The following TMEM196 variants were observed in gnomAD, a reference collection of about 807,000 sequenced individuals.
TMEM196 encodes the protein transmembrane protein 196.
TMEM196 carries 17 observed loss-of-function variants against 20.0 expected under a neutral mutation model. The observed-to-expected ratio is 0.85, with a 90% CI of 0.58 to 1.27. The LOEUF (loss-of-function observed/expected upper bound fraction) is 1.27, where lower values mean the gene tolerates loss of function less well. TMEM196 is among the 50% of genes most tolerant of loss of function. TMEM196 has a pLI of 0.00. For synonymous variants in TMEM196, 113 were observed against 88.9 expected, an observed-to-expected ratio of 1.27 and a Z score of -1.52; for missense variants, 267 against 223.0, an observed-to-expected ratio of 1.20 and a Z score of -1.26.
chr7:19,766,851 TTAGA>T (rs1340719419), intron 1 of TMEM196, among the ~76,000 whole-genome samples: 6 of 151,984 alleles, frequency 3.9e-5, no homozygotes, highest in Non-Finnish European at 8.8e-5. Flanking sequence ...TACAAAAAAG[TTAGA>T]TAGTTTGGTT....
At chr7:19,772,492 C>A in intron 1 of TMEM196, 58 bp downstream of exon 1, 1 of 1,447,352 alleles carries the variant, frequency 6.9e-7, no homozygotes, top group Non-Finnish European at 9.2e-7. Context: ...CTGACCATCA[C>A]CGTAAAGAGG....
chr7:19,724,831 G>T (rs1375343901), intron 3 of TMEM196, among the ~76,000 whole-genome samples: 1 of 151,990 alleles, frequency 6.6e-6, no homozygotes, highest in Non-Finnish European at 1.5e-5. Context: ...TCCAGTAGGA[G>T]AAACCGAATT....
intron 1 of TMEM196, among the ~76,000 whole-genome samples, chr7:19,736,025 T>A (rs988968686): frequency 6.6e-6 from 1 of 151,992 alleles, no homozygotes; most frequent in African/African-American, 2.4e-5. Context: ...GTTTAAAAAT[T>A]GTTTAGAAAG....
chr7:19,729,664 T>C (rs866226883), intron 1 of TMEM196, among the ~76,000 whole-genome samples: 4 of 152,164 alleles, frequency 2.6e-5, no homozygotes, highest in Non-Finnish European at 4.4e-5. Context: ...ATTGAATCAG[T>C]TTTAGCATCA....
chr7:19,755,901 T>A (rs1165077469), intron 1 of TMEM196, among the ~76,000 whole-genome samples: 1 of 152,074 alleles, frequency 6.6e-6, no homozygotes, highest in Non-Finnish European at 1.5e-5. Flanking sequence ...TGCTGGCATA[T>A]GCCTGTAATC....
intron 1 of TMEM196, among the ~76,000 whole-genome samples, chr7:19,756,180 G>C (rs943457925): frequency 1.1e-4 from 16 of 151,778 alleles, no homozygotes; most frequent in Admixed American, 1.1e-3. Context: ...CTTTTTAGTA[G>C]TACATTAAAA....
At chr7:19,768,061 T>C (rs1583464901) in intron 1 of TMEM196, among the ~76,000 whole-genome samples, 1 of 152,184 alleles carries the variant, frequency 6.6e-6, no homozygotes, top group South Asian at 2.1e-4. Flanking sequence ...GGTATGTGTG[T>C]TGGCTATGCT....
chr7:19,772,202 G>C lies in TMEM196; in HGVS notation c.147+348C>G, dbSNP rs1785908635. ...GATTAAGTGAGCCTGCCCTTGACAG[G>C]TGTGACACCCCCCTCCCCCCGCCTC... On this transcript the variant is annotated intron_variant, in intron 1 of 4. Coordinates refer to ENST00000405844, the MANE Select transcript of TMEM196 (RefSeq NM_001363562.2). Among the ~76,000 whole-genome samples the C allele has an allele frequency of 2.0e-5, 3 of 152,070 alleles. No individual in the cohort carries two copies. The South Asian group carries it at 6.2e-4, about 32-fold the overall frequency.
chr7:19,721,867 T>G lies in TMEM196; in HGVS notation c.*261A>C. ...AACAATCTGGAAAGCCTCTTGAAAT[T>G]ATTGTACTAGAATGTTTCTGGAAAG... On this transcript the variant is annotated 3_prime_UTR_variant, in exon 5 of 5. Transcript: ENST00000405844. 2.1e-6 allele frequency: 1 copy of G among 485,632 alleles called. No homozygotes were observed. The highest frequency in any genetic ancestry group is 3.8e-5 in the East Asian group (1 of 26,102). The allele number at this position is 485,632 out of a possible 1,614,324, so 30.1% of individuals were successfully genotyped here.
At chr7:19,752,030 G>A (rs963601140) in intron 1 of TMEM196, among the ~76,000 whole-genome samples, 6 of 152,118 alleles carry the variant, frequency 3.9e-5, no homozygotes, top group African/African-American at 1.2e-4. Context: ...GGAAGTCTTC[G>A]AAATGCTACC....
intron 4 of TMEM196, among the ~76,000 whole-genome samples, chr7:19,723,315 A>G (rs115493019): frequency 1.3e-5 from 2 of 151,988 alleles, no homozygotes; most frequent in Admixed American, 6.6e-5. Flanking sequence ...TGTTTTACCT[A>G]CTAGGAGAAA....
At chr7:19,751,794 T>A (rs1218345665) in intron 1 of TMEM196, among the ~76,000 whole-genome samples, 1 of 152,206 alleles carries the variant, frequency 6.6e-6, no homozygotes, top group East Asian at 1.9e-4. Flanking sequence ...GGATCTTCCC[T>A]TGTACCAAAA....
chr7:19,760,552 G>A (rs1785398202), intron 1 of TMEM196, among the ~76,000 whole-genome samples: 2 of 151,572 alleles, frequency 1.3e-5, no homozygotes, highest in African/African-American at 2.4e-5. Context: ...GTAGAGCCGA[G>A]GTTTCATCAT....
intron 1 of TMEM196, among the ~76,000 whole-genome samples, chr7:19,771,006 T>G (rs929381002): frequency 6.6e-6 from 1 of 152,118 alleles, no homozygotes; most frequent in African/African-American, 2.4e-5. Context: ...TAAGATATCA[T>G]AAGATCACCT....
intron 1 of TMEM196, among the ~76,000 whole-genome samples, chr7:19,747,134 A>G (rs1784782995): frequency 6.6e-6 from 1 of 150,842 alleles, no homozygotes; most frequent in African/African-American, 2.4e-5. Flanking sequence ...GGGCGCCTGT[A>G]GTCCCAGCTA....
intron 2 of TMEM196, among the ~76,000 whole-genome samples, chr7:19,728,430 A>T (rs1382213619): frequency 6.6e-6 from 1 of 152,166 alleles, no homozygotes; most frequent in Non-Finnish European, 1.5e-5. Context: ...TGTAATTTTT[A>T]AAAATTACAT....
intron 1 of TMEM196, among the ~76,000 whole-genome samples, chr7:19,760,950 G>A (rs931079513): frequency 6.6e-6 from 1 of 152,140 alleles, no homozygotes. Context: ...TCCACACCAC[G>A]CTGTCTTTTC....
chr7:19,727,861 A>G (rs922178701), intron 2 of TMEM196, among the ~76,000 whole-genome samples: 19 of 152,290 alleles, frequency 1.2e-4, no homozygotes, highest in African/African-American at 4.3e-4. Flanking sequence ...CTGTAACCAT[A>G]TACTATTTTC....
chr7:19,730,409 T>C (rs554499618), intron 1 of TMEM196, among the ~76,000 whole-genome samples: 9 of 152,364 alleles, frequency 5.9e-5, no homozygotes, highest in African/African-American at 1.9e-4. Context: ...TTAGTAATCA[T>C]AAAATGATAA....
Sources: allele counts gnomAD v4.1 joint callset (sites outside exome capture counted in the v4.1 genomes callset), GRCh38; gene constraint gnomAD v4.1.1; transcripts MANE v1.5; gene names NCBI Gene and HGNC (gene_info 2026-07-23, HGNC 2026-07-21).